Variants in JAKMIP2 observed in about 807,000 individuals in gnomAD.
The protein encoded by JAKMIP2 is janus kinase and microtubule interacting protein 2, also known as janus kinase and microtubule-interacting protein 2.
A neutral mutation model predicts 115.0 loss-of-function variants in JAKMIP2; 25 were observed. That is an observed-to-expected ratio of 0.22 (90% CI 0.16 to 0.30). The LOEUF is 0.30. Among genes scored for constraint, JAKMIP2 ranks in the 10% least tolerant of loss-of-function variants. The probability of loss-of-function intolerance (pLI) is 1.00; values close to 1 mark genes in which losing one functional copy is unlikely to be tolerated. For missense variants in JAKMIP2, 642 were observed against 957.6 expected, an observed-to-expected ratio of 0.67 and a Z score of 4.35; for synonymous variants, 334 against 343.6, an observed-to-expected ratio of 0.97 and a Z score of 0.31.
intron 1 of JAKMIP2, among the ~76,000 whole-genome samples, chr5:147,737,969 C>T (rs1231883560): frequency 1.3e-5 from 2 of 151,978 alleles, no homozygotes; most frequent in Non-Finnish European, 2.9e-5. Context: ...GGTGTGTGAG[C>T]TTGAACCATT....
intron 1 of JAKMIP2, among the ~76,000 whole-genome samples, chr5:147,748,970 G>A (rs112447068): frequency 0.011 from 1,740 of 152,154 alleles, 21 homozygotes; most frequent in Non-Finnish European, 0.019. Context: ...CTCACTCTTC[G>A]TGTGTCTGCA....
intron 21 of JAKMIP2, among the ~76,000 whole-genome samples, chr5:147,600,120 G>T (rs530484521): frequency 6.3e-5 from 9 of 143,094 alleles, no homozygotes; most frequent in African/African-American, 2.1e-4. Flanking sequence ...TTGGTGGGGG[G>T]AGGCTGTTTG....
At chr5:147,773,838 C>T (rs957515172) in intron 1 of JAKMIP2, among the ~76,000 whole-genome samples, 5 of 152,064 alleles carry the variant, frequency 3.3e-5, no homozygotes, top group Non-Finnish European at 7.4e-5. Context: ...GCATTGCACC[C>T]TGTAGGTCAA....
chr5:147,761,977 C>T (rs1341732047), intron 1 of JAKMIP2, among the ~76,000 whole-genome samples: 1 of 151,664 alleles, frequency 6.6e-6, no homozygotes, highest in Non-Finnish European at 1.5e-5. Context: ...GATAAAAATA[C>T]ATATGTCTTA....
At chr5:147,771,697 G>C (rs1355598272) in intron 1 of JAKMIP2, among the ~76,000 whole-genome samples, 1 of 152,052 alleles carries the variant, frequency 6.6e-6, no homozygotes, top group African/African-American at 2.4e-5. Context: ...TAAAGACTTG[G>C]ACAGGGAACT....
At chr5:147,645,459 T>C (rs1295590258) in intron 5 of JAKMIP2, among the ~76,000 whole-genome samples, 1 of 152,168 alleles carries the variant, frequency 6.6e-6, no homozygotes, top group African/African-American at 2.4e-5. Context: ...GGTCATTCTT[T>C]CAGAGACCTT....
chr5:147,691,493 G>A (rs12658238), intron 1 of JAKMIP2, among the ~76,000 whole-genome samples: 15,794 of 152,082 alleles, frequency 0.1, 1,335 homozygotes, highest in East Asian at 0.45. Context: ...ACTTGAATAC[G>A]ATGCAGACGC....
At chr5:147,601,870 A>G in intron 20 of JAKMIP2, 59 bp from the exon 21 acceptor site, 2 of 767,424 alleles carry the variant, frequency 2.6e-6, no homozygotes, top group South Asian at 1.7e-5. Flanking sequence ...CCATTCAGGT[A>G]GTACAAAACC....
intron 1 of JAKMIP2, among the ~76,000 whole-genome samples, chr5:147,767,586 C>A (rs762396743): frequency 2.6e-5 from 4 of 151,972 alleles, no homozygotes; most frequent in Non-Finnish European, 4.4e-5. Flanking sequence ...TACTCAGTGA[C>A]CTTTTTCCCT....
intron 1 of JAKMIP2, among the ~76,000 whole-genome samples, chr5:147,756,648 A>G (rs1282681577): frequency 1.3e-5 from 2 of 152,138 alleles, no homozygotes; most frequent in African/African-American, 4.8e-5. Flanking sequence ...AGAGAAGAAA[A>G]GGAGGGTGGA....
Position 147,782,566 on chromosome 5 carries a change from C to A in JAKMIP2, c.-259G>T, listed in dbSNP as rs1755802244. ...CCGAACCCAACATCAGCAGTGGCTG[C>A]CGGTTTTTTTTTTCCCTCTGTCTCT... On this transcript the variant is annotated 5_prime_UTR_variant, in exon 1 of 22. Coordinates refer to ENST00000616793, the MANE Select transcript of JAKMIP2 (RefSeq NM_001270941.2). The A allele has an allele frequency of 1.6e-6, 2 of 1,240,544 alleles. No homozygotes were observed. Among genetic ancestry groups the A allele is most frequent in the Non-Finnish European group, 2.3e-6 (2 of 878,442 alleles). 76.8% of individuals were successfully genotyped at this position (1,240,544 alleles called of 1,614,324 possible).
intron 1 of JAKMIP2, among the ~76,000 whole-genome samples, chr5:147,776,921 C>T (rs1418971565): frequency 6.6e-6 from 1 of 151,828 alleles, no homozygotes; most frequent in Non-Finnish European, 1.5e-5. Flanking sequence ...GAGTGAGACC[C>T]TATCTCAAAA....
chr5:147,632,820 G>T, intron 12 of JAKMIP2, 42 bp from the exon 13 acceptor site: 1 of 1,291,708 alleles, frequency 7.7e-7, no homozygotes, highest in Non-Finnish European at 1.1e-6. Context: ...ATTGAGAAAA[G>T]CACCTACAAC....
At chr5:147,748,880 C>G (rs911225658) in intron 1 of JAKMIP2, among the ~76,000 whole-genome samples, 1 of 152,158 alleles carries the variant, frequency 6.6e-6, no homozygotes, top group African/African-American at 2.4e-5. Context: ...CACTGTGAAC[C>G]AGAAGACCTG....
At chr5:147,728,116 A>G (rs1430230244) in intron 1 of JAKMIP2, among the ~76,000 whole-genome samples, 1 of 152,198 alleles carries the variant, frequency 6.6e-6, no homozygotes, top group African/African-American at 2.4e-5. Flanking sequence ...ACTTCGCAGT[A>G]TGTGAGAATT....
At chr5:147,633,694 ATTT>A (rs746793113) in intron 12 of JAKMIP2, among the ~76,000 whole-genome samples, 1 of 133,734 alleles carries the variant, frequency 7.5e-6, no homozygotes. Flanking sequence ...TTATCTTTGG[ATTT>A]TTTTTTTTTT....
In JAKMIP2 at chr5:147,723,357, C is replaced by T. The variant is rs1753392167; in HGVS notation, c.-148-51403G>A. ...AAATAACTCTTCCAAAAATAAGAAA[C>T]ATTTGTATGATTAAAGACATTTTTC... On this transcript the variant is annotated intron_variant, in intron 1 of 21. Coordinates refer to ENST00000616793, the MANE Select transcript of JAKMIP2 (RefSeq NM_001270941.2). 2.0e-5 allele frequency among the ~76,000 whole-genome samples: 3 copies of T among 151,820 alleles called. No individual in the cohort carries two copies. The South Asian group carries it at 6.3e-4, about 32-fold the overall frequency.
chr5:147,703,564 A>G (rs1752455556), intron 1 of JAKMIP2, among the ~76,000 whole-genome samples: 1 of 151,694 alleles, frequency 6.6e-6, no homozygotes, highest in African/African-American at 2.4e-5. Context: ...TATTTCTTCA[A>G]TAAGAAGTTA....
chr5:147,782,463 A>C lies in JAKMIP2; in HGVS notation c.-156T>G. ...CTACTGTTTCCTACTCACCATGCTGAGACCCGGAGAAGCTGTTTAAAGGAG... is the reference window on the plus strand; with the variant it reads ...CTACTGTTTCCTACTCACCATGCTGCGACCCGGAGAAGCTGTTTAAAGGAG... On this transcript the variant is annotated 5_prime_UTR_variant, in exon 1 of 22. Transcript: ENST00000616793. 6.5e-7 allele frequency: 1 copy of C among 1,536,074 alleles called. No homozygotes were observed. Among genetic ancestry groups the C allele is most frequent in the South Asian group, 1.2e-5 (1 of 84,056 alleles).
Sources: gnomAD v4.1 joint callset for allele counts (sites outside exome capture counted in the v4.1 genomes callset) on GRCh38, gnomAD v4.1.1 for gene constraint, MANE v1.5 for transcripts, NCBI Gene and HGNC (gene_info 2026-07-23, HGNC 2026-07-21) for gene names.